Variants in UBR2 observed in about 807,000 individuals in gnomAD.
UBR2 encodes ubiquitin protein ligase E3 component n-recognin 2, also known as E3 ubiquitin-protein ligase UBR2.
Under a neutral mutation model 247.9 loss-of-function variants are expected in UBR2, and 92 were observed. The ratio of observed to expected loss-of-function variants is 0.37; its 90% CI spans 0.31 to 0.44. The LOEUF (loss-of-function observed/expected upper bound fraction) is 0.44, where lower values mean the gene tolerates loss of function less well. Among genes scored for constraint, UBR2 ranks in the 20% least tolerant of loss-of-function variants. The pLI, the probability that UBR2 is intolerant of heterozygous loss-of-function variation, is 1.00. For missense variants in UBR2, 1,613 were observed against 2,112.6 expected (o/e 0.76, Z 4.64); for synonymous variants, 672 against 693.5 (o/e 0.97, Z 0.49).
At chr6:42,690,268 T>A (rs188701959) in intron 46 of UBR2, among the ~76,000 whole-genome samples, 1 of 152,314 alleles carries the variant, frequency 6.6e-6, no homozygotes, top group East Asian at 1.9e-4. Flanking sequence ...AAGTAGCAGA[T>A]GTTAAAGGCC....
intron 11 of UBR2, among the ~76,000 whole-genome samples, chr6:42,628,061 T>C (rs1795466717): frequency 6.6e-6 from 1 of 152,130 alleles, no homozygotes; most frequent in African/African-American, 2.4e-5. Flanking sequence ...AATAGACAAA[T>C]GCTGAGGGAA....
In UBR2 at chr6:42,658,348, C is replaced by G. The variant is rs1797562950; in HGVS notation, c.3063+28C>G. 3 of 1,580,178 alleles carry G rather than the reference C, an allele frequency of 1.9e-6. No individual in the cohort carries two copies. In the South Asian group the frequency reaches 3.5e-5, roughly 18 times the overall value. On this transcript the variant is annotated intron_variant, in intron 28 of 46. Transcript: ENST00000372901. The stretch of plus-strand genomic sequence containing the variant: ...ATAAACAGTAAAAAGTGTGATAATA[C>G]TAAAAAATTACAGCAAGTTCAGTAT...
intron 11 of UBR2, among the ~76,000 whole-genome samples, chr6:42,623,556 A>AT (rs1430644722): frequency 4.6e-5 from 7 of 152,050 alleles, no homozygotes; most frequent in Non-Finnish European, 8.8e-5. Flanking sequence ...GGTTCAAGCG[A>AT]TTCTTCTGCC....
chr6:42,662,952 C>A (rs7770368), intron 31 of UBR2, among the ~76,000 whole-genome samples: 22,952 of 146,384 alleles, frequency 0.16, 2,115 homozygotes, highest in African/African-American at 0.26. Flanking sequence ...ACAACAACAA[C>A]AAAAAAAAAA....
chr6:42,668,041 G>T (rs564145878), intron 34 of UBR2, among the ~76,000 whole-genome samples: 2 of 152,014 alleles, frequency 1.3e-5, no homozygotes, highest in Non-Finnish European at 2.9e-5. Context: ...TTACAGGCAT[G>T]AGCCACCACA....
chr6:42,629,523 G>A (rs1795566382), intron 11 of UBR2, among the ~76,000 whole-genome samples: 1 of 151,994 alleles, frequency 6.6e-6, no homozygotes. Flanking sequence ...CAAGCGTGGT[G>A]GCACACACCT....
chr6:42,632,193 A>G (rs1427391862), intron 11 of UBR2, among the ~76,000 whole-genome samples: 1 of 151,676 alleles, frequency 6.6e-6, no homozygotes, highest in African/African-American at 2.4e-5. Flanking sequence ...TGTGTCGTAA[A>G]CCTCTGGATC....
At chr6:42,638,847 C>CA (rs538632850) in intron 15 of UBR2, among the ~76,000 whole-genome samples, 134 of 141,272 alleles carry the variant, frequency 9.5e-4, no homozygotes, top group East Asian at 5.5e-3. Flanking sequence ...GACTCTGTCT[C>CA]AAAAAAAAAA....
chr6:42,580,987 C>T (rs73438617), intron 2 of UBR2, among the ~76,000 whole-genome samples: 3,164 of 146,248 alleles, frequency 0.022, 107 homozygotes, highest in African/African-American at 0.075. Flanking sequence ...CTTAGATTAC[C>T]TTGGGTGGTT....
chr6:42,650,163 T>C, intron 22 of UBR2, 121 bp from the exon 23 acceptor site: 3 of 723,816 alleles, frequency 4.1e-6, no homozygotes, highest in Non-Finnish European at 6.7e-6. Flanking sequence ...AAAATAGTTG[T>C]AGCTTAACAC....
At chr6:42,640,375 A>C in intron 16 of UBR2, 105 bp downstream of exon 16, 2 of 682,032 alleles carry the variant, frequency 2.9e-6, no homozygotes, top group Non-Finnish European at 2.4e-6. Context: ...GAGGAACAGA[A>C]CCAGTAAGGT....
chr6:42,612,996 G>C (rs1034060272), intron 8 of UBR2, among the ~76,000 whole-genome samples: 1 of 152,108 alleles, frequency 6.6e-6, no homozygotes, highest in African/African-American at 2.4e-5. Context: ...AGCTACTCAG[G>C]AGGCTGAGGC....
intron 4 of UBR2, among the ~76,000 whole-genome samples, chr6:42,599,815 T>C (rs1427028011): frequency 6.6e-6 from 1 of 152,066 alleles, no homozygotes; most frequent in Non-Finnish European, 1.5e-5. Context: ...GCTAGGCTGA[T>C]CTCAAACTCC....
At chr6:42,611,916 A>AG (rs1438119184) in intron 7 of UBR2, among the ~76,000 whole-genome samples, 14 of 142,708 alleles carry the variant, frequency 9.8e-5, no homozygotes, top group African/African-American at 3.5e-4. Flanking sequence ...CAAAAAAAGA[A>AG]AAAAAAAAAA....
At position 42,655,689 on chromosome 6, in the gene UBR2, T is replaced by C; in HGVS notation, c.2838T>C (p.His946=). Residue 946 remains histidine, a synonymous_variant, in exon 26 of 47, where the codon CAT becomes CAC. Coordinates refer to ENST00000372901, the MANE Select transcript of UBR2 (RefSeq NM_001363705.2). ...KQHLENVTEE[H]VVTFTFTQKI... The stretch of plus-strand genomic sequence containing the variant: ...ATTTAGAGAATGTCACGGAAGAGCA[T>C]GTAGTAACATTTACCTTCACTCAGA... 1.4e-5 allele frequency: 21 copies of C among 1,555,008 alleles called. No homozygotes were observed. Among genetic ancestry groups the C allele is most frequent in the Non-Finnish European group, 1.8e-5 (21 of 1,161,306 alleles).
intron 29 of UBR2, 85 bp downstream of exon 29, chr6:42,658,909 C>G: frequency 7.5e-7 from 1 of 1,333,342 alleles, no homozygotes; most frequent in Non-Finnish European, 9.9e-7. Context: ...TGTAAGTATA[C>G]TTTTAATCCT....
intron 17 of UBR2, 109 bp from the exon 18 acceptor site, chr6:42,642,307 A>T: frequency 2.8e-6 from 2 of 711,840 alleles, no homozygotes; most frequent in Non-Finnish European, 4.8e-6. Context: ...GAGAAACCAC[A>T]TCACACACAT....
intron 36 of UBR2, 32 bp downstream of exon 36, chr6:42,670,747 TG>T (rs1798378426): frequency 1.3e-6 from 2 of 1,567,860 alleles, no homozygotes; most frequent in Admixed American, 1.8e-5. Flanking sequence ...TTCATGATAG[TG>T]GGGCATGGAA....
Position 42,668,012 on chromosome 6 carries a change from G to T in UBR2, c.3881+1767G>T, listed in dbSNP as rs907913329. 3.9e-5 allele frequency among the ~76,000 whole-genome samples: 6 copies of T among 152,190 alleles called. No homozygotes were observed. The South Asian group carries it at 6.2e-4, about 16-fold the overall frequency. ...GACCTCAGGTGATCCACCCGCCTCA[G>T]CCTCCCAAAGTGCTGGGATTACAGG... is the stretch of plus-strand genomic sequence containing the variant. On this transcript the variant is annotated intron_variant, in intron 34 of 46. Transcript: ENST00000372901.
Sources: gnomAD v4.1 joint callset for allele counts (sites outside exome capture counted in the v4.1 genomes callset) on GRCh38, gnomAD v4.1.1 for gene constraint, MANE v1.5 for transcripts, NCBI Gene and HGNC (gene_info 2026-07-23, HGNC 2026-07-21) for gene names.